Variants in MARCHF1 observed in about 807,000 individuals in gnomAD.
MARCHF1 encodes E3 ubiquitin-protein ligase MARCHF1.
A neutral mutation model predicts 54.2 loss-of-function variants in MARCHF1; 40 were observed. That is an observed-to-expected ratio of 0.74 (90% confidence interval 0.57 to 0.96). The LOEUF is 0.96. MARCHF1 is among the 40% of genes least tolerant of loss of function. MARCHF1 has a pLI of 0.00. For missense variants in MARCHF1, 586 were observed against 656.5 expected (o/e 0.89, Z 1.17); for synonymous variants, 236 against 236.3 (o/e 1.00, Z 0.01).
intron 2 of MARCHF1, among the ~76,000 whole-genome samples, chr4:163,994,636 A>G (rs532112764): frequency 6.6e-6 from 1 of 151,898 alleles, no homozygotes; most frequent in African/African-American, 2.4e-5. Flanking sequence ...ATTCTGACTT[A>G]ATGCATCAGA....
chr4:164,065,400 G>A (rs943132192), intron 2 of MARCHF1, among the ~76,000 whole-genome samples: 1 of 152,104 alleles, frequency 6.6e-6, no homozygotes, highest in African/African-American at 2.4e-5. Context: ...CATGGCAAAG[G>A]CATCAAAAGC....
At chr4:163,634,965 A>G (rs1742259508) in intron 5 of MARCHF1, among the ~76,000 whole-genome samples, 1 of 103,104 alleles carries the variant, frequency 9.7e-6, no homozygotes, top group Admixed American at 1.1e-4. Context: ...GCTCAACTAC[A>G]TGGAAACTGA....
intron 5 of MARCHF1, among the ~76,000 whole-genome samples, chr4:163,670,745 T>A (rs1743708390): frequency 1.3e-5 from 2 of 152,238 alleles, no homozygotes; most frequent in African/African-American, 4.8e-5. Context: ...TATTGAATGC[T>A]GACCATCTGT....
At chr4:164,064,200 A>G (rs1754680675) in intron 2 of MARCHF1, among the ~76,000 whole-genome samples, 1 of 152,192 alleles carries the variant, frequency 6.6e-6, no homozygotes, top group African/African-American at 2.4e-5. Context: ...TCTGTGAAGA[A>G]TGTCAATTGT....
intron 3 of MARCHF1, among the ~76,000 whole-genome samples, chr4:163,872,783 G>A (rs1750196892): frequency 6.6e-6 from 1 of 152,086 alleles, no homozygotes; most frequent in Non-Finnish European, 1.5e-5. Flanking sequence ...GGTGGCTCAC[G>A]CCTGTAATCC....
rs79405782 is a variant in MARCHF1, at chr4:164,010,585, G to A, written c.-247-21876C>T. 7.0e-3 allele frequency among the ~76,000 whole-genome samples: 1,067 copies of A among 151,770 alleles called. 7 individuals are homozygous for A. The highest frequency in any genetic ancestry group is 0.01 in the East Asian group (53 of 5,160). On this transcript the variant is annotated intron_variant, in intron 2 of 9. Coordinates refer to ENST00000514618, the MANE Select transcript of MARCHF1 (RefSeq NM_001394959.1). Reference sequence around the variant, plus strand: ...TAAAGAAATGAAAGACCTATACAAGGTAAATTATAAAACATTAATGAAAGA... The same window carrying A: ...TAAAGAAATGAAAGACCTATACAAGATAAATTATAAAACATTAATGAAAGA...
In MARCHF1 at chr4:164,249,538, A is replaced by G. The variant is rs534795910; in HGVS notation, c.-323+134332T>C. Among the ~76,000 whole-genome samples, 78 of 152,182 alleles carry G rather than the reference A, an allele frequency of 5.1e-4. 2 individuals carry two copies. The South Asian group carries it at 0.016, about 31-fold the overall frequency. On this transcript the variant is annotated intron_variant, in intron 1 of 9. Coordinates refer to ENST00000514618, the MANE Select transcript of MARCHF1 (RefSeq NM_001394959.1). The stretch of plus-strand genomic sequence containing the variant: ...CCCCATTACTAACTGTCCTAAATCT[A>G]AAACATTGTAAATTGAATTTTATTT...
chr4:164,183,698 A>G (rs1730892906), intron 1 of MARCHF1, among the ~76,000 whole-genome samples: 1 of 152,196 alleles, frequency 6.6e-6, no homozygotes, highest in African/African-American at 2.4e-5. Flanking sequence ...CAGCATTGAC[A>G]AGATAAGCAG....
rs183921880 is a variant in MARCHF1 at position 164,254,121 on chromosome 4, T to C, written c.-323+129749A>G. Reference sequence around the variant, plus strand: ...GTCTATATTTGTTATGAATTTTTTTTGAGAGAGTCTCATTCTGTTGCCCAG... The same window carrying C: ...GTCTATATTTGTTATGAATTTTTTTCGAGAGAGTCTCATTCTGTTGCCCAG... On this transcript the variant is annotated intron_variant, in intron 1 of 9. Coordinates refer to ENST00000514618, the MANE Select transcript of MARCHF1 (RefSeq NM_001394959.1). Among the ~76,000 whole-genome samples the C allele has an allele frequency of 2.2e-4, 33 of 152,168 alleles. No individual in the cohort carries two copies. The East Asian group carries it at 6.0e-3, about 28-fold the overall frequency.
chr4:164,224,967 A>C (rs1281090713), intron 1 of MARCHF1, among the ~76,000 whole-genome samples: 1 of 152,044 alleles, frequency 6.6e-6, no homozygotes, highest in Admixed American at 6.6e-5. Context: ...AAAACAAAAC[A>C]AATAGACAGA....
At chr4:163,676,185 CAAAAAA>C (rs869219643) in intron 5 of MARCHF1, among the ~76,000 whole-genome samples, 4 of 89,268 alleles carry the variant, frequency 4.5e-5, no homozygotes, top group East Asian at 4.5e-4. Context: ...ACTAAAAATA[CAAAAAA>C]AAAAAAAAAA....
chr4:163,860,320 T>C (rs975694899), intron 3 of MARCHF1, among the ~76,000 whole-genome samples: 9 of 152,156 alleles, frequency 5.9e-5, no homozygotes, highest in Admixed American at 5.2e-4. Context: ...TACACTTTCC[T>C]GGGTTTTACT....
chr4:163,603,279 T>A (rs73870616), intron 7 of MARCHF1, among the ~76,000 whole-genome samples: 4,175 of 152,124 alleles, frequency 0.027, 170 homozygotes, highest in African/African-American at 0.094. Context: ...TTCAGGTTCA[T>A]CTGAAGATAC....
intron 3 of MARCHF1, among the ~76,000 whole-genome samples, chr4:163,926,028 T>A (rs1751529474): frequency 6.6e-6 from 1 of 151,348 alleles, no homozygotes; most frequent in Non-Finnish European, 1.5e-5. Flanking sequence ...TAACTATATT[T>A]TAATACTTTT....
chr4:164,142,850 G>A (rs1756585543), intron 1 of MARCHF1, among the ~76,000 whole-genome samples: 1 of 152,074 alleles, frequency 6.6e-6, no homozygotes, highest in African/African-American at 2.4e-5. Flanking sequence ...GAGAGAAGAA[G>A]GCTTCAGACG....
At chr4:164,108,428 T>C (rs759608108) in intron 2 of MARCHF1, among the ~76,000 whole-genome samples, 9 of 152,146 alleles carry the variant, frequency 5.9e-5, no homozygotes, top group Non-Finnish European at 1.3e-4. Context: ...TGTTTTTTTT[T>C]CTGCATCCCT....
intron 3 of MARCHF1, among the ~76,000 whole-genome samples, chr4:163,914,429 C>G (rs1751262142): frequency 6.6e-6 from 1 of 151,648 alleles, no homozygotes; most frequent in Admixed American, 6.6e-5. Flanking sequence ...AGAATGTAAA[C>G]CAATTAATTA....
chr4:163,977,901 C>T (rs1752680630), intron 3 of MARCHF1, among the ~76,000 whole-genome samples: 1 of 152,034 alleles, frequency 6.6e-6, no homozygotes, highest in Non-Finnish European at 1.5e-5. Flanking sequence ...CTTTATAAAA[C>T]CTAACAACCA....
intron 1 of MARCHF1, among the ~76,000 whole-genome samples, chr4:164,210,798 T>A (rs1215145682): frequency 1.3e-5 from 2 of 152,046 alleles, no homozygotes; most frequent in Non-Finnish European, 2.9e-5. Context: ...GGAAGCAACC[T>A]AAGCGTCCAT....
Sources: gnomAD v4.1 joint callset for allele counts (sites outside exome capture counted in the v4.1 genomes callset) on GRCh38, gnomAD v4.1.1 for gene constraint, MANE v1.5 for transcripts, NCBI Gene and HGNC (gene_info 2026-07-23, HGNC 2026-07-21) for gene names.